The following PSD3 variants were observed in gnomAD, a reference collection of about 807,000 sequenced individuals.
PSD3 encodes the protein pleckstrin and Sec7 domain containing 3.
PSD3 carries 49 observed loss-of-function variants against 105.5 expected under a neutral mutation model. The ratio of observed to expected loss-of-function variants is 0.46; its 90% CI spans 0.37 to 0.59. The LOEUF (loss-of-function observed/expected upper bound fraction) is 0.59. PSD3 is among the 20% of genes least tolerant of loss of function. The pLI is 0.00. For missense variants in PSD3, 1,561 were observed against 1,263.8 expected (o/e 1.24, Z -3.57); for synonymous variants, 557 against 457.8 (o/e 1.22, Z -2.77).
At chr8:18,655,167 CAA>C (rs748560630) in intron 10 of PSD3, among the ~76,000 whole-genome samples, 1 of 141,238 alleles carries the variant, frequency 7.1e-6, no homozygotes. Context: ...ACTAAAAATG[CAA>C]AAAAAAAAAA....
At chr8:19,048,473 G>A (rs969197827) in intron 1 of PSD3, among the ~76,000 whole-genome samples, 2 of 152,150 alleles carry the variant, frequency 1.3e-5, no homozygotes, top group Non-Finnish European at 2.9e-5. Context: ...ATGAAAGGGG[G>A]CTCAGCTGCT....
chr8:18,859,306 G>A (rs781168282), intron 4 of PSD3, among the ~76,000 whole-genome samples: 5 of 147,958 alleles, frequency 3.4e-5, no homozygotes, highest in Non-Finnish European at 5.9e-5. Flanking sequence ...GTCAGCAGAT[G>A]TGCTGTTATC....
At chr8:18,571,909 C>T (rs935674440) in intron 14 of PSD3, among the ~76,000 whole-genome samples, 1 of 145,564 alleles carries the variant, frequency 6.9e-6, no homozygotes, top group Non-Finnish European at 1.5e-5. Flanking sequence ...TAGGTAGTGT[C>T]CTTAGAAGAG....
intron 4 of PSD3, among the ~76,000 whole-genome samples, chr8:18,855,783 A>T (rs1048480193): frequency 6.6e-6 from 1 of 152,262 alleles, no homozygotes; most frequent in African/African-American, 2.4e-5. Context: ...TACGTAGGGA[A>T]GGAAAGAGAG....
intron 9 of PSD3, among the ~76,000 whole-genome samples, chr8:18,712,508 T>C (rs1261348435): frequency 6.6e-6 from 1 of 152,090 alleles, no homozygotes. Flanking sequence ...GCAAATAAAC[T>C]AGAAAATCTA....
chr8:18,886,112 C>T (rs1307564386), intron 2 of PSD3, among the ~76,000 whole-genome samples: 7 of 151,968 alleles, frequency 4.6e-5, no homozygotes, highest in African/African-American at 9.7e-5. Context: ...CCTGTTTTCT[C>T]TCTTTCTGTC....
chr8:18,728,540 A>G (rs977641856), intron 9 of PSD3, among the ~76,000 whole-genome samples: 1 of 152,170 alleles, frequency 6.6e-6, no homozygotes, highest in Non-Finnish European at 1.5e-5. Context: ...CTTAGAGGCA[A>G]GACAGAGTGT....
At position 18,818,576 on chromosome 8, in the gene PSD3, A is replaced by C. The variant is rs1201879332; in HGVS notation, c.1635-13678T>G. On this transcript the variant is annotated intron_variant, in intron 4 of 15. Coordinates refer to ENST00000327040, the MANE Select transcript of PSD3 (RefSeq NM_015310.4). ...AAAAGAGGTTAGTGACATAAGCTGG[A>C]ACAGATTCAGTTATTGGGCACAAGA... Among the ~76,000 whole-genome samples, 5 of 152,242 alleles carry C rather than the reference A, an allele frequency of 3.3e-5. No individual in the cohort carries two copies. The East Asian group carries it at 9.7e-4, about 30-fold the overall frequency.
intron 2 of PSD3, among the ~76,000 whole-genome samples, chr8:18,895,518 C>A (rs918131725): frequency 2.0e-5 from 3 of 152,166 alleles, no homozygotes; most frequent in Non-Finnish European, 1.5e-5. Flanking sequence ...AAATGCCAAC[C>A]CTAACAAGTC....
At chr8:18,559,254 T>C (rs928520017) in intron 14 of PSD3, among the ~76,000 whole-genome samples, 5 of 152,226 alleles carry the variant, frequency 3.3e-5, no homozygotes, top group African/African-American at 1.2e-4. Flanking sequence ...AAGTTCTCTT[T>C]GTTTTACATT....
chr8:18,766,517 T>C (rs530708347), intron 8 of PSD3, among the ~76,000 whole-genome samples: 45 of 152,334 alleles, frequency 3.0e-4, no homozygotes, highest in South Asian at 8.3e-4. Context: ...CAATATATAA[T>C]ACAGTTTTTA....
rs901936783 is a variant in PSD3, at chr8:18,801,982, G to C, written c.1911-600C>G. On this transcript the variant is annotated intron_variant, in intron 6 of 15. Transcript: ENST00000327040. ...GTCAGATTTAAAAAAAACAAAGACC[G>C]CTTAAGACTCAATACATCATCATAA... 2.0e-5 allele frequency among the ~76,000 whole-genome samples: 3 copies of C among 151,928 alleles called. No homozygotes were observed. In the East Asian group the frequency reaches 5.8e-4, roughly 29 times the overall value.
chr8:18,708,899 C>G (rs972537957), intron 9 of PSD3, among the ~76,000 whole-genome samples: 1 of 152,150 alleles, frequency 6.6e-6, no homozygotes, highest in African/African-American at 2.4e-5. Flanking sequence ...ACTCCCACCT[C>G]CAGTCAAGGG....
intron 4 of PSD3, among the ~76,000 whole-genome samples, chr8:18,858,461 A>G (rs148636889): frequency 0.046 from 7,018 of 152,284 alleles, 192 homozygotes; most frequent in Middle Eastern, 0.085. Flanking sequence ...AAATAAGACA[A>G]AAATGAAGTT....
intron 9 of PSD3, among the ~76,000 whole-genome samples, chr8:18,708,311 A>G (rs532491696): frequency 5.9e-5 from 9 of 152,230 alleles, no homozygotes; most frequent in Non-Finnish European, 1.2e-4. Flanking sequence ...TGGAAGGGCC[A>G]AATAAGAGAC....
intron 8 of PSD3, among the ~76,000 whole-genome samples, chr8:18,788,561 G>C (rs1318993805): frequency 6.6e-6 from 1 of 152,184 alleles, no homozygotes; most frequent in Non-Finnish European, 1.5e-5. Context: ...CTGATTCAGA[G>C]GTTGAAGAAT....
chr8:18,746,534 G>T (rs910351090), intron 9 of PSD3, among the ~76,000 whole-genome samples: 1 of 152,098 alleles, frequency 6.6e-6, no homozygotes, highest in African/African-American at 2.4e-5. Context: ...CTGGTCAGGG[G>T]TCCCCACCTT....
At chr8:19,039,424 T>C (rs967741144) in intron 1 of PSD3, among the ~76,000 whole-genome samples, 4 of 152,236 alleles carry the variant, frequency 2.6e-5, no homozygotes, top group Non-Finnish European at 5.9e-5. Context: ...TTCCATTAAC[T>C]ACTTTTCTGT....
chr8:18,707,473 C>A (rs1040113973), intron 9 of PSD3, among the ~76,000 whole-genome samples: 3 of 152,186 alleles, frequency 2.0e-5, no homozygotes, highest in African/African-American at 7.2e-5. Flanking sequence ...TTGGGATTTA[C>A]AGTTGACAGC....
Sources: gnomAD v4.1 joint callset for allele counts (sites outside exome capture counted in the v4.1 genomes callset) on GRCh38, gnomAD v4.1.1 for gene constraint, MANE v1.5 for transcripts, NCBI Gene and HGNC (gene_info 2026-07-23, HGNC 2026-07-21) for gene names.